The following EIF4G3 variants were observed in gnomAD, a reference collection of about 807,000 sequenced individuals.
The protein encoded by EIF4G3 is eIF-4-gamma 3.
A neutral mutation model predicts 186.4 loss-of-function variants in EIF4G3; 34 were observed. The observed-to-expected ratio is 0.18, with a 90% CI of 0.14 to 0.24. The LOEUF (loss-of-function observed/expected upper bound fraction) is 0.24, where lower values mean the gene tolerates loss of function less well. Ranked by LOEUF, EIF4G3 falls within the 10% of genes least tolerant of loss-of-function variation. The pLI is 1.00. For missense variants in EIF4G3, 1,536 were observed against 1,948.5 expected (o/e 0.79, Z 3.99); for synonymous variants, 673 against 679.5 (o/e 0.99, Z 0.15).
At chr1:21,104,013 C>A (rs1170140885) in intron 2 of EIF4G3, among the ~76,000 whole-genome samples, 3 of 152,112 alleles carry the variant, frequency 2.0e-5, no homozygotes, top group Non-Finnish European at 4.4e-5. Flanking sequence ...TCATAGTTAA[C>A]CTCAAAGTAT....
chr1:21,085,905 GAT>G (rs998511049), intron 3 of EIF4G3, among the ~76,000 whole-genome samples: 1 of 152,086 alleles, frequency 6.6e-6, no homozygotes, highest in Non-Finnish European at 1.5e-5. Context: ...TGTTGGCCAG[GAT>G]GGTCTCAATC....
chr1:21,090,463 A>C (rs1306579876), intron 2 of EIF4G3, among the ~76,000 whole-genome samples: 1 of 152,220 alleles, frequency 6.6e-6, no homozygotes, highest in Non-Finnish European at 1.5e-5. Flanking sequence ...TTTCCTACTT[A>C]TGCAGAAAAG....
intron 31 of EIF4G3, among the ~76,000 whole-genome samples, chr1:20,828,308 G>A (rs2064195029): frequency 6.6e-6 from 1 of 152,124 alleles, no homozygotes; most frequent in African/African-American, 2.4e-5. Context: ...GGGATTACAG[G>A]TGTAAGCTAT....
intron 2 of EIF4G3, among the ~76,000 whole-genome samples, chr1:21,118,606 T>C (rs1043770113): frequency 6.6e-6 from 1 of 151,926 alleles, no homozygotes; most frequent in African/African-American, 2.4e-5. Flanking sequence ...GCCAACATGG[T>C]GAAACCCCGT....
intron 32 of EIF4G3, among the ~76,000 whole-genome samples, chr1:20,826,753 G>C (rs2063765247): frequency 6.6e-6 from 1 of 152,096 alleles, no homozygotes; most frequent in African/African-American, 2.4e-5. Context: ...CTCCCAAAGT[G>C]CTGGGATTAC....
chr1:21,081,645 T>A (rs910864746), intron 3 of EIF4G3, among the ~76,000 whole-genome samples: 19 of 148,126 alleles, frequency 1.3e-4, no homozygotes, highest in East Asian at 9.8e-4. Flanking sequence ...AATTTTTTTT[T>A]TTTTTTTTTT....
intron 4 of EIF4G3, among the ~76,000 whole-genome samples, chr1:21,024,879 AT>A (rs1427707899): frequency 7.2e-6 from 1 of 138,638 alleles, no homozygotes; most frequent in African/African-American, 2.7e-5. Flanking sequence ...ACACCCAATA[AT>A]TATCAATAAA....
At chr1:21,163,493 A>G (rs912855161) in intron 2 of EIF4G3, among the ~76,000 whole-genome samples, 8 of 152,224 alleles carry the variant, frequency 5.3e-5, no homozygotes, top group African/African-American at 1.4e-4. Flanking sequence ...CTTCCTTTGA[A>G]TATTGAGTAA....
At chr1:20,963,714 G>T (rs982230602) in intron 12 of EIF4G3, among the ~76,000 whole-genome samples, 1 of 152,120 alleles carries the variant, frequency 6.6e-6, no homozygotes, top group African/African-American at 2.4e-5. Context: ...AGAGCTTTGG[G>T]AGGCTGAGGC....
In EIF4G3 at chr1:20,919,858, A is replaced by G. The variant is rs1042194991; in HGVS notation, c.1664-14887T>C. 8.6e-5 allele frequency among the ~76,000 whole-genome samples: 13 copies of G among 152,008 alleles called. 1 individual carries two copies. The highest frequency in any genetic ancestry group is 1.6e-4 in the Non-Finnish European group (11 of 67,948). ...TAGGCTATCCTTCTAAAGACACCAA[A>G]GTCAGAATGTTATTTTCTCTTGTGA... On this transcript the variant is annotated intron_variant, in intron 14 of 36. Coordinates refer to ENST00000602326, the MANE Select transcript of EIF4G3 (RefSeq NM_001391906.1).
chr1:21,110,197 G>A lies in EIF4G3; in HGVS notation c.-271-20984C>T, dbSNP rs149576023. Among the ~76,000 whole-genome samples the A allele has an allele frequency of 9.7e-4, 148 of 152,198 alleles. No individual in the cohort carries two copies. In the East Asian group the frequency reaches 0.024, roughly 25 times the overall value. On this transcript the variant is annotated intron_variant, in intron 2 of 36. Coordinates refer to ENST00000602326, the MANE Select transcript of EIF4G3 (RefSeq NM_001391906.1). ...TCTTAAAAGGATAATTTGATGACAA[G>A]GCAGGTAAATTCATATTCAAATCTA...
intron 3 of EIF4G3, among the ~76,000 whole-genome samples, chr1:21,062,132 C>G (rs1252071485): frequency 1.3e-5 from 2 of 151,954 alleles, no homozygotes; most frequent in African/African-American, 2.4e-5. Context: ...GATCATAGCC[C>G]ACTGCAACCT....
At chr1:21,060,858 G>GT (rs898078184) in intron 3 of EIF4G3, among the ~76,000 whole-genome samples, 1 of 151,566 alleles carries the variant, frequency 6.6e-6, no homozygotes, top group African/African-American at 2.4e-5. Flanking sequence ...GAACACGGTA[G>GT]TAACAAGATA....
chr1:21,103,661 T>C (rs973269203), intron 2 of EIF4G3, among the ~76,000 whole-genome samples: 8 of 152,220 alleles, frequency 5.3e-5, no homozygotes, highest in South Asian at 2.1e-4. Context: ...CTGGCTAACA[T>C]GGTGAAACCT....
chr1:21,039,930 T>C (rs1392030797), intron 4 of EIF4G3, among the ~76,000 whole-genome samples: 1 of 152,222 alleles, frequency 6.6e-6, no homozygotes, highest in Non-Finnish European at 1.5e-5. Flanking sequence ...TAATCGTTAG[T>C]GACATGCAAA....
intron 7 of EIF4G3, among the ~76,000 whole-genome samples, chr1:20,994,751 C>T (rs2081925954): frequency 6.6e-6 from 1 of 151,458 alleles, no homozygotes; most frequent in Non-Finnish European, 1.5e-5. Flanking sequence ...CCTCAGCCTC[C>T]CAGAGTAGCT....
chr1:20,934,505 T>A (rs1043433524), intron 14 of EIF4G3, among the ~76,000 whole-genome samples: 38 of 151,378 alleles, frequency 2.5e-4, no homozygotes, highest in Admixed American at 4.6e-4. Flanking sequence ...GGCAGAAAGT[T>A]AAAAAAAAGG....
intron 14 of EIF4G3, among the ~76,000 whole-genome samples, chr1:20,936,396 AG>A (rs2095518127): frequency 6.6e-6 from 1 of 152,180 alleles, no homozygotes; most frequent in Non-Finnish European, 1.5e-5. Flanking sequence ...TAGATGACAA[AG>A]AACCAGGAAT....
At chr1:20,895,636 G>GTTGT in intron 16 of EIF4G3, 135 bp from the exon 17 acceptor site, 2 of 956,558 alleles carry the variant, frequency 2.1e-6, no homozygotes, top group Non-Finnish European at 1.5e-6. Context: ...AGGCTATAAT[G>GTTGT]AAGCTGAAAG....
Sources: allele counts gnomAD v4.1 joint callset (sites outside exome capture counted in the v4.1 genomes callset), GRCh38; gene constraint gnomAD v4.1.1; transcripts MANE v1.5; gene names NCBI Gene and HGNC (gene_info 2026-07-23, HGNC 2026-07-21).